XKR3: variants seen among roughly 807,000 people sequenced by gnomAD.
XKR3 encodes XK related 3, also known as XK-related protein 3.
Under a neutral mutation model 40.3 loss-of-function variants are expected in XKR3, and 27 were observed. That is an observed-to-expected ratio of 0.67 (90% CI 0.49 to 0.92). The LOEUF (loss-of-function observed/expected upper bound fraction) is 0.92, where lower values mean the gene tolerates loss of function less well. Among genes scored for constraint, XKR3 ranks in the 40% least tolerant of loss-of-function variants. The pLI, the probability that XKR3 is intolerant of heterozygous loss-of-function variation, is 0.00. For synonymous variants in XKR3, 193 were observed against 195.4 expected (o/e 0.99, Z 0.10); for missense variants, 472 against 537.6 (o/e 0.88, Z 1.21).
Position 16,792,948 on chromosome 22 carries a change from C to T in XKR3, c.589+6823G>A, listed in dbSNP as rs183736011. ...GTTCAACTAGTTATCTTCCTATTCA[C>T]GTATACTTGAATGGCATATATCTAA... On this transcript the variant is annotated intron_variant, in intron 3 of 3. Transcript: ENST00000684488. 8.5e-3 allele frequency among the ~76,000 whole-genome samples: 1,294 copies of T among 152,286 alleles called. 6 individuals carry two copies. Among genetic ancestry groups the T allele is most frequent in the Non-Finnish European group, 0.014 (976 of 68,022 alleles).
intron 1 of XKR3, among the ~76,000 whole-genome samples, chr22:16,818,995 T>C (rs2060245034): frequency 6.6e-6 from 1 of 152,094 alleles, no homozygotes; most frequent in Non-Finnish European, 1.5e-5. Context: ...TATTTCCCTA[T>C]GCTACAGGTC....
intron 3 of XKR3, among the ~76,000 whole-genome samples, chr22:16,796,542 G>T (rs554335330): frequency 1.3e-5 from 2 of 152,158 alleles, no homozygotes; most frequent in Non-Finnish European, 2.9e-5. Flanking sequence ...GGAATGCAAA[G>T]CTGGCTCAAC....
intron 3 of XKR3, among the ~76,000 whole-genome samples, chr22:16,794,414 C>T (rs1382561735): frequency 3.3e-5 from 5 of 151,860 alleles, no homozygotes; most frequent in African/African-American, 1.2e-4. Context: ...GACTGGTGGC[C>T]TATTTTCAAC....
chr22:16,786,283 A>C (rs2060090913), intron 3 of XKR3, among the ~76,000 whole-genome samples: 1 of 48,222 alleles, frequency 2.1e-5, no homozygotes, highest in African/African-American at 6.5e-5. Flanking sequence ...CAAATACACA[A>C]ATTTAGCCAG....
At chr22:16,790,634 T>C (rs1569035975) in intron 3 of XKR3, among the ~76,000 whole-genome samples, 1 of 152,092 alleles carries the variant, frequency 6.6e-6, no homozygotes, top group Non-Finnish European at 1.5e-5. Flanking sequence ...TGAAATAATT[T>C]GTACAACAAA....
intron 2 of XKR3, among the ~76,000 whole-genome samples, chr22:16,803,653 A>C (rs929787605): frequency 6.6e-6 from 1 of 152,174 alleles, no homozygotes; most frequent in Admixed American, 6.5e-5. Flanking sequence ...AATGCACGAA[A>C]ACCAAAATGG....
intron 2 of XKR3, among the ~76,000 whole-genome samples, chr22:16,806,004 TC>T (rs1249098358): frequency 2.0e-5 from 3 of 152,180 alleles, no homozygotes; most frequent in African/African-American, 7.2e-5. Context: ...CCTGAGAGTT[TC>T]TCAAATGTCA....
chr22:16,789,693 A>AG (rs2060105685), intron 3 of XKR3, among the ~76,000 whole-genome samples: 2 of 152,220 alleles, frequency 1.3e-5, no homozygotes. Flanking sequence ...ATGAAACCGC[A>AG]GAAAAAAAAC....
chr22:16,810,473 A>G (rs2060208020), intron 1 of XKR3, among the ~76,000 whole-genome samples: 1 of 152,140 alleles, frequency 6.6e-6, no homozygotes, highest in Non-Finnish European at 1.5e-5. Flanking sequence ...TCCTCCTGCT[A>G]TCACCCAGAT....
rs371321300 is a variant in XKR3, at chr22:16,808,099, C to A, written c.-10-16G>T. The A allele has an allele frequency of 3.2e-6, 5 of 1,554,558 alleles. No individual in the cohort carries two copies. The highest frequency in any genetic ancestry group is 4.3e-6 in the Non-Finnish European group (5 of 1,152,336). ...TCTCAGGGTGCTGCTAATTCAAAGT[C>A]GTCTTGTCAGTGAATCCAGTAGAGT... On this transcript the variant is annotated splice_polypyrimidine_tract_variant and intron_variant, in intron 1 of 3. Transcript: ENST00000684488.
chr22:16,823,155 A>G (rs1404737876), intron 1 of XKR3, among the ~76,000 whole-genome samples: 3 of 152,180 alleles, frequency 2.0e-5, no homozygotes, highest in Non-Finnish European at 4.4e-5. Context: ...GATTACAAGC[A>G]TGAGCTACCA....
At chr22:16,799,369 G>A (rs868812692) in intron 3 of XKR3, among the ~76,000 whole-genome samples, 3 of 119,734 alleles carry the variant, frequency 2.5e-5, no homozygotes, top group African/African-American at 6.7e-5. Context: ...GGCCGAGATC[G>A]GGCCACTGAA....
At chr22:16,819,152 T>C (rs2060245781) in intron 1 of XKR3, among the ~76,000 whole-genome samples, 1 of 151,972 alleles carries the variant, frequency 6.6e-6, no homozygotes, top group South Asian at 2.1e-4. Context: ...AAAGTAGTAA[T>C]AAAGAAGGAT....
intron 1 of XKR3, among the ~76,000 whole-genome samples, chr22:16,813,717 ATG>A (rs2060222284): frequency 6.6e-6 from 1 of 152,218 alleles, no homozygotes; most frequent in Non-Finnish European, 1.5e-5. Context: ...CATATGGTGA[ATG>A]TATGTCCAAT....
intron 3 of XKR3, among the ~76,000 whole-genome samples, chr22:16,785,360 T>C (rs1408189918): frequency 6.6e-6 from 1 of 151,942 alleles, no homozygotes; most frequent in Non-Finnish European, 1.5e-5. Flanking sequence ...TGCATGTGTG[T>C]GATTGTATGT....
At chr22:16,792,905 A>G (rs1173584608) in intron 3 of XKR3, among the ~76,000 whole-genome samples, 1 of 152,252 alleles carries the variant, frequency 6.6e-6, no homozygotes, top group Non-Finnish European at 1.5e-5. Flanking sequence ...ACCTTTGCAG[A>G]TAATCAACAT....
chr22:16,799,805 G>A lies in XKR3; in HGVS notation c.555C>T (p.Ile185=), dbSNP rs2060159658. The change falls in exon 3 of 4, where the codon ATC becomes ATT. Residue 185 remains isoleucine, a synonymous_variant. Coordinates refer to ENST00000684488, the MANE Select transcript of XKR3 (RefSeq NM_001386955.1). ...SVPQLILQMY[I]SLTIREWPLN... ...AAGGCCATTCTCGTATAGTGAGACTGATATACATCTGCAAAATTAATTGTG... is the reference window on the plus strand; with the variant it reads ...AAGGCCATTCTCGTATAGTGAGACTAATATACATCTGCAAAATTAATTGTG... 2 of 1,614,046 alleles carry A rather than the reference G, an allele frequency of 1.2e-6. No homozygotes were observed. Among genetic ancestry groups the A allele is most frequent in the Non-Finnish European group, 8.5e-7 (1 of 1,179,984 alleles).
At chr22:16,813,402 G>C (rs1272158648) in intron 1 of XKR3, among the ~76,000 whole-genome samples, 1 of 152,084 alleles carries the variant, frequency 6.6e-6, no homozygotes, top group East Asian at 1.9e-4. Flanking sequence ...TAAAAGGCTG[G>C]GGGTTCCTAA....
intron 1 of XKR3, among the ~76,000 whole-genome samples, chr22:16,821,318 TAGAA>T (rs1381497011): frequency 6.6e-6 from 1 of 152,058 alleles, no homozygotes; most frequent in Admixed American, 6.5e-5. Flanking sequence ...AAAATATCAA[TAGAA>T]AGAATACTTA....
Sources: allele counts gnomAD v4.1 joint callset (sites outside exome capture counted in the v4.1 genomes callset), GRCh38; gene constraint gnomAD v4.1.1; transcripts MANE v1.5; gene names NCBI Gene and HGNC (gene_info 2026-07-23, HGNC 2026-07-21).